SLC13A5: variants seen among roughly 807,000 people sequenced by gnomAD.
SLC13A5 encodes Na(+)/citrate cotransporter.
SLC13A5 carries 25 observed loss-of-function variants against 56.5 expected under a neutral mutation model. The observed-to-expected ratio is 0.44, with a 90% CI of 0.32 to 0.62. The LOEUF (loss-of-function observed/expected upper bound fraction) is 0.62, where lower values mean the gene tolerates loss of function less well. SLC13A5 is among the 20% of genes least tolerant of loss of function. The probability of loss-of-function intolerance (pLI) is 0.04; values close to 1 mark genes in which losing one functional copy is unlikely to be tolerated. For synonymous variants in SLC13A5, 307 were observed against 301.5 expected, an observed-to-expected ratio of 1.02 and a Z score of -0.19; for missense variants, 649 against 737.8, an observed-to-expected ratio of 0.88 and a Z score of 1.39.
At position 6,701,875 on chromosome 17, in the gene SLC13A5, G is replaced by A. The variant is rs1422653351; in HGVS notation, c.717-749C>T. 6.6e-6 allele frequency among the ~76,000 whole-genome samples: 1 copy of A among 152,154 alleles called. No individual in the cohort carries two copies. The highest frequency in any genetic ancestry group is 1.9e-4 in the East Asian group (1 of 5,176). ...CAAAAGCTTCCCAGAGCGGAGGCTG[G>A]AGGAGGGTCACTTCCACCACAGGCC... On this transcript the variant is annotated intron_variant, in intron 5 of 11. Coordinates refer to ENST00000433363, the MANE Select transcript of SLC13A5 (RefSeq NM_177550.5). This position sits in a 1 kb window ranked among gnomAD's most constrained non-coding sequence, Gnocchi z 4.1.
chr17:6,709,989 C>T (rs1370742370), intron 1 of SLC13A5, among the ~76,000 whole-genome samples: 1 of 152,212 alleles, frequency 6.6e-6, no homozygotes, highest in East Asian at 1.9e-4. Context: ...CAAAGTTCCC[C>T]TGTTGTGGGG....
At chr17:6,703,280 G>T in intron 4 of SLC13A5, 142 bp from the exon 5 acceptor site, 1 of 1,068,788 alleles carries the variant, frequency 9.4e-7, no homozygotes, top group African/African-American at 1.6e-5. Context: ...CATAAGAGTT[G>T]CTGGCAGGGA....
At chr17:6,691,007 A>G in intron 9 of SLC13A5, 67 bp from the exon 10 acceptor site, 1 of 1,528,262 alleles carries the variant, frequency 6.5e-7, no homozygotes, top group Non-Finnish European at 8.8e-7. Context: ...GGCCAGGGCA[A>G]GCTTGGCCCA....
intron 7 of SLC13A5, 46 bp from the exon 8 acceptor site, chr17:6,694,243 C>G (rs1973498743): frequency 2.6e-6 from 3 of 1,153,196 alleles, no homozygotes; most frequent in East Asian, 4.8e-5. Context: ...GACAGTCACT[C>G]AACAAACCCA....
At chr17:6,696,786 T>G (rs1973573324) in intron 6 of SLC13A5, among the ~76,000 whole-genome samples, 1 of 152,060 alleles carries the variant, frequency 6.6e-6, no homozygotes, top group Non-Finnish European at 1.5e-5. Context: ...GCCAAGAGTA[T>G]TGTCCTGGAG....
At chr17:6,698,237 G>A (rs926419408) in intron 6 of SLC13A5, among the ~76,000 whole-genome samples, 4 of 152,200 alleles carry the variant, frequency 2.6e-5, no homozygotes, top group Non-Finnish European at 4.4e-5. Context: ...CTGCAGCCAC[G>A]CACCCCACCA....
chr17:6,708,108 T>G (rs1973921013), intron 1 of SLC13A5, among the ~76,000 whole-genome samples: 1 of 152,188 alleles, frequency 6.6e-6, no homozygotes, highest in Non-Finnish European at 1.5e-5. Flanking sequence ...GAGTTGGGAT[T>G]GCAGGCACCT....
At chr17:6,704,587 A>T (rs1973815581) in intron 3 of SLC13A5, 1 of 251,136 alleles carries the variant, frequency 4.0e-6, no homozygotes, top group South Asian at 5.0e-5. Flanking sequence ...GGAAAGTGTG[A>T]CTATTCTCCC....
intron 10 of SLC13A5, chr17:6,688,003 CT>C: frequency 5.5e-6 from 1 of 182,210 alleles, no homozygotes; most frequent in Non-Finnish European, 1.1e-5. Flanking sequence ...TTGCCACAGA[CT>C]GAGAGAGCCT....
chr17:6,695,557 T>C (rs1416264105), intron 7 of SLC13A5, 169 bp downstream of exon 7: 1 of 606,086 alleles, frequency 1.6e-6, no homozygotes, highest in African/African-American at 1.9e-5. Context: ...GCCTCGCTAA[T>C]TTTCTGTATT....
At chr17:6,712,738 A>AT (rs1006778813) in intron 1 of SLC13A5, among the ~76,000 whole-genome samples, 4 of 152,122 alleles carry the variant, frequency 2.6e-5, no homozygotes. Flanking sequence ...GTGGGTGATG[A>AT]TTTTTTTCCT....
intron 1 of SLC13A5, among the ~76,000 whole-genome samples, chr17:6,708,857 C>T (rs748499912): frequency 3.9e-5 from 6 of 152,138 alleles, no homozygotes; most frequent in East Asian, 3.8e-4. Context: ...CTAACGTGCA[C>T]GGGTTTGGGA....
chr17:6,690,767 C>T lies in SLC13A5; in HGVS notation c.1437+12G>A. The T allele has an allele frequency of 6.2e-7, 1 of 1,614,192 alleles. No individual in the cohort carries two copies. Among genetic ancestry groups the T allele is most frequent in the Non-Finnish European group, 8.5e-7 (1 of 1,180,028 alleles). On this transcript the variant is annotated intron_variant, in intron 10 of 11. Coordinates refer to ENST00000433363, the MANE Select transcript of SLC13A5 (RefSeq NM_177550.5). ...AAATGGAAGGGCTCCTCCCCACTGT[C>T]AGGTTACTTACCATGGAGGCAAAGA...
At position 6,687,796 on chromosome 17, in the gene SLC13A5, C is replaced by T. The variant is rs531899459; in HGVS notation, c.1438-130G>A. On this transcript the variant is annotated intron_variant, in intron 10 of 11. Transcript: ENST00000433363. The surrounding 1 kb of genome is among the most constrained non-coding windows in gnomAD (Gnocchi z 5.0). ...TGTGCCTCAGTCTTGGTTCCTCTCC[C>T]TTTTGCCACGTCTCTGGCAGATAAT... 442 of 1,161,708 alleles carry T rather than the reference C, an allele frequency of 3.8e-4. 4 individuals are homozygous for T. In the African/African-American group the frequency reaches 6.6e-3, roughly 17 times the overall value. The allele number at this position is 1,161,708 out of a possible 1,614,324, so 72.0% of individuals were successfully genotyped here. A position where few individuals can be genotyped will look rare whatever the true frequency, so the allele number is the denominator to read the frequency against.
At chr17:6,694,041 C>A in intron 8 of SLC13A5, 56 bp downstream of exon 8, 2 of 1,228,176 alleles carry the variant, frequency 1.6e-6, no homozygotes, top group South Asian at 1.3e-5. Context: ...CCATAGTGAC[C>A]CTTTGGTTCC....
Position 6,695,775 on chromosome 17 carries a change from C to A in SLC13A5, c.1006G>T (p.Gly336Cys). The change falls in exon 7 of 12, where the codon GGC (glycine) becomes TGC (cysteine). Residue 336 changes from glycine (G) to cysteine (C), a missense_variant. Physicochemically the swap from Gly to Cys is radical, Grantham distance 159. Coordinates refer to ENST00000433363, the MANE Select transcript of SLC13A5 (RefSeq NM_177550.5). ...ACAGTCAGCCAGCCGGGCATGAAGC[C>A]GGGGTCTCGGGAGAACCACAGGATG... ...LVILWFSRDPGFMPGWLTVAW... is the reference protein window; with the variant it reads ...LVILWFSRDPCFMPGWLTVAW... 6.2e-7 allele frequency: 1 copy of A among 1,614,174 alleles called. No individual in the cohort carries two copies.
Position 6,707,225 on chromosome 17 carries a change from C to T in SLC13A5, c.103-69G>A, listed in dbSNP as rs1017750214. ...CTCCCCACCCCCAGAACACTCCGGA[C>T]GGCGGCTGGCATGGATTGTCAAGAC... On this transcript the variant is annotated intron_variant, in intron 1 of 11. Transcript: ENST00000433363. The T allele has an allele frequency of 1.5e-5, 23 of 1,581,526 alleles. No individual in the cohort carries two copies. In the South Asian group the frequency reaches 1.8e-4, roughly 13 times the overall value.
chr17:6,690,088 A>C (rs938960598), intron 10 of SLC13A5: 8 of 139,788 alleles, frequency 5.7e-5, no homozygotes, highest in Non-Finnish European at 7.6e-5. Context: ...AAAAAAAAAA[A>C]AAAAAAACCA....
chr17:6,709,172 G>A (rs1456837460), intron 1 of SLC13A5, among the ~76,000 whole-genome samples: 3 of 151,806 alleles, frequency 2.0e-5, no homozygotes, highest in African/African-American at 4.8e-5. Context: ...TCAAGAACCT[G>A]CTGTATTTGT....
Sources: allele counts gnomAD v4.1 joint callset (sites outside exome capture counted in the v4.1 genomes callset), GRCh38; gene constraint gnomAD v4.1.1; non-coding constraint Gnocchi (gnomAD v3.1); transcripts MANE v1.5; gene names NCBI Gene and HGNC (gene_info 2026-07-23, HGNC 2026-07-21).